Variants in CIMAP2 observed in about 807,000 individuals in gnomAD.
CIMAP2 encodes ciliary microtubule-associated protein 2.
chr1:54,810,180 G>A, the CIMAP2 span, among the ~76,000 whole-genome samples: 4 of 152,172 alleles, frequency 2.6e-5, no homozygotes, highest in African/African-American at 7.2e-5. Context: ...AGGTCCTGTG[G>A]TGCTCACTGC....
chr1:54,820,116 T>TC, the CIMAP2 span, among the ~76,000 whole-genome samples: 8 of 36,120 alleles, frequency 2.2e-4, no homozygotes, highest in African/African-American at 5.1e-4. Flanking sequence ...CTCTCTCTCT[T>TC]TCTTTCTTTC....
chr1:54,832,855 T>C, the CIMAP2 span, among the ~76,000 whole-genome samples: 3 of 151,996 alleles, frequency 2.0e-5, no homozygotes, highest in Non-Finnish European at 4.4e-5. Context: ...TAGGGAGACC[T>C]GTCTCTACAG....
At chr1:54,826,721 C>G in the CIMAP2 span, among the ~76,000 whole-genome samples, 2 of 152,238 alleles carry the variant, frequency 1.3e-5, no homozygotes, top group African/African-American at 4.8e-5. Context: ...GGATCTCTTG[C>G]TCACCCTTTC....
the CIMAP2 span, chr1:54,812,118 ACCCGCGGCC>A: frequency 6.2e-7 from 1 of 1,614,112 alleles, no homozygotes; most frequent in Non-Finnish European, 8.5e-7. Flanking sequence ...ATCCGTCGGC[ACCCGCGGCC>A]CCTATGACAC....
At chr1:54,808,990 G>GGTTGTGTGTTTAGCATCCCTCCCCCC in the CIMAP2 span, among the ~76,000 whole-genome samples, 17 of 147,140 alleles carry the variant, frequency 1.2e-4, 2 homozygotes, top group African/African-American at 3.8e-4. Context: ...TCTTGTGTGT[G>GGTTGTGTGTTTAGCATCCCTCCCCCC]ACTGGACAGC....
At chr1:54,811,765 G>GCGGGGGGGGGGGGGGGGCC in the CIMAP2 span, 1 of 1,301,332 alleles carries the variant, frequency 7.7e-7, no homozygotes, top group Non-Finnish European at 1.1e-6. Flanking sequence ...GGTTCTGACA[G>GCGGGGGGGGGGGGGGGGCC]CCTCCATGCC....
the CIMAP2 span, chr1:54,806,852 C>CCA: frequency 8.6e-4 from 658 of 764,378 alleles, 2 homozygotes; most frequent in Non-Finnish European, 3.8e-4. Flanking sequence ...ACATTCAAAG[C>CCA]CACTGCAACT....
At chr1:54,812,244 C>G in the CIMAP2 span, 1 of 1,606,346 alleles carries the variant, frequency 6.2e-7, no homozygotes, top group Non-Finnish European at 8.5e-7. Context: ...GATGACAGGC[C>G]TCACTAGTCA....
At chr1:54,838,498 C>A in the CIMAP2 span, among the ~76,000 whole-genome samples, 6 of 144,444 alleles carry the variant, frequency 4.2e-5, no homozygotes, top group African/African-American at 1.5e-4. Context: ...AAAAAAAAAT[C>A]ATCTCTCATG....
the CIMAP2 span, among the ~76,000 whole-genome samples, chr1:54,824,649 T>C: frequency 1.3e-5 from 2 of 149,344 alleles, no homozygotes; most frequent in Non-Finnish European, 3.0e-5. Flanking sequence ...TTTCTTCTGC[T>C]TGATGTAGTG....
At chr1:54,820,771 T>TTTTG in the CIMAP2 span, among the ~76,000 whole-genome samples, 7 of 152,176 alleles carry the variant, frequency 4.6e-5, no homozygotes, top group Admixed American at 1.3e-4. Flanking sequence ...TGCCCACTTT[T>TTTTG]TTTGTTTGTT....
the CIMAP2 span, chr1:54,813,818 A>G: frequency 1.3e-6 from 2 of 1,587,002 alleles, no homozygotes; most frequent in Non-Finnish European, 1.7e-6. Context: ...TCTTAGAAAA[A>G]AAAGCCCAGG....
At chr1:54,811,765 G>GCCGGGGGGGGGGGGGGGC in the CIMAP2 span, 1 of 1,301,328 alleles carries the variant, frequency 7.7e-7, no homozygotes, top group Non-Finnish European at 1.1e-6. Context: ...GGTTCTGACA[G>GCCGGGGGGGGGGGGGGGC]CCTCCATGCC....
the CIMAP2 span, among the ~76,000 whole-genome samples, chr1:54,834,627 G>A: frequency 6.6e-6 from 1 of 152,068 alleles, no homozygotes; most frequent in Non-Finnish European, 1.5e-5. Flanking sequence ...TTTGGAATAT[G>A]TGGATATATA....
At chr1:54,813,481 C>T in the CIMAP2 span, among the ~76,000 whole-genome samples, 5 of 152,202 alleles carry the variant, frequency 3.3e-5, no homozygotes, top group East Asian at 3.9e-4. Context: ...TTTAAGACAT[C>T]GTTCCTGCTT....
At chr1:54,826,160 G>A in the CIMAP2 span, among the ~76,000 whole-genome samples, 1 of 152,182 alleles carries the variant, frequency 6.6e-6, no homozygotes, top group Non-Finnish European at 1.5e-5. Context: ...GGGTGGGCCT[G>A]TCCTCAGGCC....
At chr1:54,811,773 G>GCGGGGGGCCCCCCCCCCCCCCC in the CIMAP2 span, 1 of 1,325,052 alleles carries the variant, frequency 7.5e-7, no homozygotes, top group Non-Finnish European at 1.0e-6. Flanking sequence ...CAGCCTCCAT[G>GCGGGGGGCCCCCCCCCCCCCCC]CCCCCACCCC....
At chr1:54,819,806 TTTTC>T in the CIMAP2 span, among the ~76,000 whole-genome samples, 83 of 136,456 alleles carry the variant, frequency 6.1e-4, 1 homozygote, top group African/African-American at 2.2e-3. Context: ...CTTTTCTTCT[TTTTC>T]TTTTTCTTTC....
chr1:54,831,588 G>A, the CIMAP2 span, among the ~76,000 whole-genome samples: 1 of 151,996 alleles, frequency 6.6e-6, no homozygotes, highest in Non-Finnish European at 1.5e-5. Context: ...GGGAGGCGGA[G>A]GGTGCAGTGA....
Sources: gnomAD v4.1 joint callset for allele counts (sites outside exome capture counted in the v4.1 genomes callset) on GRCh38, gnomAD v4.1.1 for gene constraint, MANE v1.5 for transcripts, NCBI Gene and HGNC (gene_info 2026-07-23, HGNC 2026-07-21) for gene names.